The following DYSF variants were observed in gnomAD, a reference collection of about 807,000 sequenced individuals.
DYSF encodes dysferlin.
In DYSF, 212 loss-of-function variants were observed where a neutral mutation model predicts 274.9. That is an observed-to-expected ratio of 0.77 (90% CI 0.69 to 0.86). The LOEUF (loss-of-function observed/expected upper bound fraction) is 0.86. Ranked by LOEUF, DYSF falls within the 40% of genes least tolerant of loss-of-function variation. The pLI is 0.00. For missense variants in DYSF, 2,666 were observed against 2,783.2 expected (o/e 0.96, Z 0.95); for synonymous variants, 1,091 against 1,078.7 (o/e 1.01, Z -0.22).
At chr2:71,476,560 C>T (rs1283656676) in intron 1 of DYSF, among the ~76,000 whole-genome samples, 1 of 149,856 alleles carries the variant, frequency 6.7e-6, no homozygotes, top group African/African-American at 2.5e-5. Context: ...AAAAAAAAGG[C>T]CTTGGCACTA....
At chr2:71,501,474 G>A (rs928070074) in intron 3 of DYSF, among the ~76,000 whole-genome samples, 2 of 152,144 alleles carry the variant, frequency 1.3e-5, no homozygotes, top group Admixed American at 6.5e-5. Flanking sequence ...TTTCAGTGGC[G>A]TTACATGCAT....
At chr2:71,553,994 G>A in intron 21 of DYSF, 63 bp downstream of exon 21, 2 of 1,612,058 alleles carry the variant, frequency 1.2e-6, no homozygotes, top group South Asian at 2.2e-5. Context: ...CCCGCTGCAT[G>A]GGGTGTCTCA....
In DYSF at chr2:71,561,748, A is replaced by C. The variant is rs1451822100; in HGVS notation, c.2217-4A>C. 3 of 1,614,118 alleles carry C rather than the reference A, an allele frequency of 1.9e-6. No individual in the cohort carries two copies. The highest frequency in any genetic ancestry group is 2.2e-5 in the East Asian group (1 of 44,872). On this transcript the variant is annotated splice_polypyrimidine_tract_variant and splice_region_variant and intron_variant, in intron 22 of 55. Transcript: ENST00000410020. ...GGCGCATTCCATCTGTCCGTCCCTCACAGCCAGCCTCTGGGTGACATCCAT... is the reference window on the plus strand; with the variant it reads ...GGCGCATTCCATCTGTCCGTCCCTCCCAGCCAGCCTCTGGGTGACATCCAT...
Position 71,551,038 on chromosome 2 carries a change from C to T in DYSF, c.1577-3C>T. 6.2e-7 allele frequency: 1 copy of T among 1,613,196 alleles called. No homozygotes were observed. Among genetic ancestry groups the T allele is most frequent in the Non-Finnish European group, 8.5e-7 (1 of 1,179,134 alleles). ...CCCTCTGATTGCCACTTGTGTCTCC[C>T]AGTGGATGACTACCTGGGCTTCCTC... is the stretch of plus-strand genomic sequence containing the variant. On this transcript the variant is annotated splice_region_variant and splice_polypyrimidine_tract_variant and intron_variant, in intron 17 of 55. Transcript: ENST00000410020.
chr2:71,497,294 G>A (rs1185103787), intron 3 of DYSF, among the ~76,000 whole-genome samples: 1 of 152,166 alleles, frequency 6.6e-6, no homozygotes, highest in Non-Finnish European at 1.5e-5. Context: ...CTGTTTGGTG[G>A]TGATACGGTT....
At chr2:71,549,043 A>T (rs763402122) in intron 17 of DYSF, among the ~76,000 whole-genome samples, 3 of 152,188 alleles carry the variant, frequency 2.0e-5, no homozygotes, top group Non-Finnish European at 4.4e-5. Flanking sequence ...CCTTGAGTGT[A>T]TTGAATCAAG....
At chr2:71,569,693 C>A in intron 26 of DYSF, 127 bp from the exon 27 acceptor site, 1 of 778,828 alleles carries the variant, frequency 1.3e-6, no homozygotes, top group East Asian at 2.7e-5. Context: ...TCCCTCCCCA[C>A]CCCCCATGTC....
intron 45 of DYSF, among the ~76,000 whole-genome samples, chr2:71,663,150 T>A (rs1025117961): frequency 1.3e-5 from 2 of 152,000 alleles, no homozygotes; most frequent in East Asian, 3.9e-4. Context: ...ACTCCTGCAG[T>A]GTCTGGGCTG....
At chr2:71,470,729 C>T (rs145710254) in intron 1 of DYSF, among the ~76,000 whole-genome samples, 20,182 of 109,590 alleles carry the variant, frequency 0.18, 1,994 homozygotes, top group East Asian at 0.36. Context: ...TCTTTCCTTC[C>T]TTCCTTCTTT....
intron 17 of DYSF, among the ~76,000 whole-genome samples, chr2:71,549,117 C>A (rs2090727687): frequency 6.6e-6 from 1 of 152,130 alleles, no homozygotes; most frequent in Non-Finnish European, 1.5e-5. Context: ...CAGGTGGGAC[C>A]CCCAGGGCTC....
At chr2:71,612,182 C>T (rs540389053) in intron 38 of DYSF, among the ~76,000 whole-genome samples, 69 of 152,154 alleles carry the variant, frequency 4.5e-4, no homozygotes, top group Non-Finnish European at 7.3e-4. Flanking sequence ...TCCTCTTGGC[C>T]GAGCCAAAGC....
chr2:71,587,418 A>G (rs2093107246), intron 30 of DYSF, among the ~76,000 whole-genome samples: 1 of 152,106 alleles, frequency 6.6e-6, no homozygotes, highest in Non-Finnish European at 1.5e-5. Flanking sequence ...CCACTTTTAC[A>G]CCTTGGAATC....
At chr2:71,492,057 C>T (rs911118040) in intron 3 of DYSF, among the ~76,000 whole-genome samples, 5 of 152,086 alleles carry the variant, frequency 3.3e-5, no homozygotes, top group African/African-American at 7.2e-5. Context: ...TCAGCGGGCC[C>T]GAAAGCATTG....
intron 3 of DYSF, among the ~76,000 whole-genome samples, chr2:71,488,415 C>G (rs565853236): frequency 1.4e-4 from 21 of 152,252 alleles, no homozygotes; most frequent in African/African-American, 5.1e-4. Context: ...CCTGGCAAAG[C>G]ACCATGGTCA....
chr2:71,574,133 A>G, intron 29 of DYSF, 65 bp from the exon 30 acceptor site: 1 of 1,581,260 alleles, frequency 6.3e-7, no homozygotes, highest in Non-Finnish European at 8.6e-7. Context: ...GCAAAGGTGG[A>G]GCCGAGCACA....
chr2:71,611,333 G>T lies in DYSF; in HGVS notation c.4046G>T (p.Arg1349Leu), dbSNP rs61742872. Residue 1349 changes from arginine (R) to leucine (L), a missense_variant, in exon 37 of 56, where the codon CGT (arginine) becomes CTT (leucine). Coordinates refer to ENST00000410020, the MANE Select transcript of DYSF (RefSeq NM_001130987.2). ...CAGAACATCAAGCCAGCGCTCCAGC[G>T]TACCGCCATCGAGGTGAGCCGTCCG... The part of the protein sequence containing the change: ...VPQNIKPALQ[R>L]TAIEILAWGL... 37,162 of 1,613,708 alleles carry T rather than the reference G, an allele frequency of 0.023. 493 individuals carry two copies. The highest frequency in any genetic ancestry group is 0.026 in the Non-Finnish European group (30,255 of 1,179,672).
chr2:71,648,917 G>A (rs1254911309), intron 42 of DYSF, among the ~76,000 whole-genome samples: 4 of 152,010 alleles, frequency 2.6e-5, no homozygotes, highest in Non-Finnish European at 4.4e-5. Context: ...TCCCCTCCAA[G>A]CATAAAGGCT....
chr2:71,682,507 G>A, intron 54 of DYSF, 23 bp from the exon 55 acceptor site: 1 of 1,614,108 alleles, frequency 6.2e-7, no homozygotes, highest in Non-Finnish European at 8.5e-7. Flanking sequence ...ATGCCCAGTT[G>A]ACCTCCGGGA....
Position 71,600,802 on chromosome 2 carries a change from G to A in DYSF, c.3857G>A (p.Gly1286Glu), listed in dbSNP as rs886043338. The A allele has an allele frequency of 1.2e-6, 2 of 1,613,320 alleles. No individual in the cohort carries two copies. Among genetic ancestry groups the A allele is most frequent in the Non-Finnish European group, 1.7e-6 (2 of 1,180,028 alleles). The change falls in exon 34 of 56, where the codon GGG becomes GAG. Residue 1286 changes from glycine to glutamate, a missense_variant. Gly to Glu is a moderately conservative substitution (Grantham distance 98). Transcript: ENST00000410020. ...FPLTRGSQPS[G>E]ELLASFELIQ... ...CTGACGAGGGGCAGCCAGCCGTCGG[G>A]GGAGCTGCTGGCCTCTTTTGAGCTC... is the stretch of plus-strand genomic sequence containing the variant.
Sources: allele counts gnomAD v4.1 joint callset (sites outside exome capture counted in the v4.1 genomes callset), GRCh38; gene constraint gnomAD v4.1.1; transcripts MANE v1.5; gene names NCBI Gene and HGNC (gene_info 2026-07-23, HGNC 2026-07-21).